The following ANKRD11 variants were observed in gnomAD, a reference collection of about 807,000 sequenced individuals.
ANKRD11 encodes the protein ankyrin repeat domain-containing protein 11.
In ANKRD11, 17 loss-of-function variants were observed where a neutral mutation model predicts 195.7. That is an observed-to-expected ratio of 0.09 (90% CI 0.06 to 0.13). The LOEUF (loss-of-function observed/expected upper bound fraction) is 0.13. ANKRD11 is among the 10% of genes least tolerant of loss of function. ANKRD11 has a pLI of 1.00. For missense variants in ANKRD11, 3,735 were observed against 3,566.1 expected, an observed-to-expected ratio of 1.05 and a Z score of -1.21; for synonymous variants, 1,953 against 1,528.1, an observed-to-expected ratio of 1.28 and a Z score of -6.49.
intron 2 of ANKRD11, among the ~76,000 whole-genome samples, chr16:89,329,479 GT>G (rs1256787196): frequency 6.6e-6 from 1 of 152,186 alleles, no homozygotes; most frequent in African/African-American, 2.4e-5. Flanking sequence ...AGGTGATGGT[GT>G]TTCCCCAACG....
intron 4 of ANKRD11, chr16:89,301,782 G>A (rs1777426339): frequency 5.0e-6 from 2 of 396,396 alleles, no homozygotes; most frequent in Admixed American, 4.4e-5. Flanking sequence ...CATTGTTCTT[G>A]GCAGGCGGCC....
At chr16:89,371,358 T>A (rs2040183861) in intron 2 of ANKRD11, among the ~76,000 whole-genome samples, 1 of 152,240 alleles carries the variant, frequency 6.6e-6, no homozygotes, top group Non-Finnish European at 1.5e-5. Flanking sequence ...GTGTCCATTC[T>A]ACCATTTGGT....
rs770145236 is a variant in ANKRD11 at position 89,286,027 on chromosome 16, G to C, written c.892+12C>G. ...CATAAAAGAACAGGCAGCTCAGGTG[G>C]CCGTGACTTACCCGTCGAGCTCTCC... On this transcript the variant is annotated intron_variant, in intron 8 of 12. Transcript: ENST00000301030. 1.2e-6 allele frequency: 2 copies of C among 1,614,150 alleles called. No individual in the cohort carries two copies.
chr16:89,307,236 G>C (rs963360549), intron 3 of ANKRD11, among the ~76,000 whole-genome samples: 2 of 152,192 alleles, frequency 1.3e-5, no homozygotes, highest in Non-Finnish European at 2.9e-5. Context: ...CTCCAGGGCT[G>C]AGATGCCCAA....
At chr16:89,328,976 G>A (rs1439632690) in intron 2 of ANKRD11, 1 of 145,434 alleles carries the variant, frequency 6.9e-6, no homozygotes, top group Admixed American at 6.9e-5. Context: ...GGAGGCCCCT[G>A]CTGAGTGAGT....
intron 2 of ANKRD11, among the ~76,000 whole-genome samples, chr16:89,356,721 C>T (rs1369236354): frequency 7.2e-6 from 1 of 138,964 alleles, no homozygotes; most frequent in Non-Finnish European, 1.5e-5. Context: ...GCCGAGCTTG[C>T]AGTGAGCCAA....
intron 2 of ANKRD11, among the ~76,000 whole-genome samples, chr16:89,386,576 T>C (rs1040086883): frequency 1.3e-5 from 2 of 152,178 alleles, no homozygotes; most frequent in Non-Finnish European, 2.9e-5. Context: ...TCCTGCAAGA[T>C]GCCCGCGGGG....
At chr16:89,364,011 C>A (rs1281112692) in intron 2 of ANKRD11, among the ~76,000 whole-genome samples, 1 of 151,716 alleles carries the variant, frequency 6.6e-6, no homozygotes, top group African/African-American at 2.4e-5. Flanking sequence ...GGTGAGCTAT[C>A]ATTGTGCCAT....
In ANKRD11 at chr16:89,451,411, CTTTT is replaced by C. The variant is rs66712285; in HGVS notation, c.-144-33047_-144-33044del. ...ATTATGGTGATGATTTCACAAATTA[CTTTT>C]TTTTTTTTTTTTTTGAGACGAAGCC... On this transcript the variant is annotated intron_variant, in intron 1 of 12. Coordinates refer to ENST00000301030, the MANE Select transcript of ANKRD11 (RefSeq NM_013275.6). Among the ~76,000 whole-genome samples, 146 of 130,170 alleles carry C rather than the reference CTTTT, an allele frequency of 1.1e-3. 1 individual carries two copies. The highest frequency in any genetic ancestry group is 4.0e-3 in the African/African-American group (138 of 34,686). 85.4% of individuals were successfully genotyped at this position (130,170 alleles called of 152,430 possible).
intron 2 of ANKRD11, chr16:89,343,558 C>G (rs1255888984): frequency 6.6e-6 from 1 of 152,166 alleles, no homozygotes; most frequent in Non-Finnish European, 1.5e-5. Context: ...AGGGTGCACG[C>G]GAAACACAGT....
chr16:89,372,103 C>T (rs2040218530), intron 2 of ANKRD11, among the ~76,000 whole-genome samples: 1 of 152,230 alleles, frequency 6.6e-6, no homozygotes, highest in African/African-American at 2.4e-5. Context: ...CCACGGCGGG[C>T]ACCCGGCCCT....
chr16:89,307,171 G>A (rs1056010433), intron 3 of ANKRD11, among the ~76,000 whole-genome samples: 6 of 152,136 alleles, frequency 3.9e-5, no homozygotes, highest in African/African-American at 7.2e-5. Flanking sequence ...GTAAGCTGCC[G>A]GCAAATACCG....
At chr16:89,436,669 T>C (rs1000774753) in intron 1 of ANKRD11, among the ~76,000 whole-genome samples, 1 of 152,182 alleles carries the variant, frequency 6.6e-6, no homozygotes, top group Non-Finnish European at 1.5e-5. Context: ...AAGCTGCTCC[T>C]TCAGATACAA....
intron 2 of ANKRD11, among the ~76,000 whole-genome samples, chr16:89,383,664 C>A (rs1333038982): frequency 1.3e-5 from 2 of 152,044 alleles, no homozygotes. Flanking sequence ...AGCCCCTACC[C>A]TCGGACCAGC....
intron 2 of ANKRD11, among the ~76,000 whole-genome samples, chr16:89,364,510 T>C (rs2039865427): frequency 6.6e-6 from 1 of 152,200 alleles, no homozygotes; most frequent in Non-Finnish European, 1.5e-5. Context: ...GTATTTTTCT[T>C]AACCTATTCG....
chr16:89,272,758 C>G (rs1682129011), intron 11 of ANKRD11: 4 of 152,256 alleles, frequency 2.6e-5, no homozygotes, highest in Admixed American at 2.6e-4. Flanking sequence ...AGGCTTGTGT[C>G]CATCAACAGA....
chr16:89,409,068 G>C (rs2042017148), intron 2 of ANKRD11, among the ~76,000 whole-genome samples: 1 of 152,212 alleles, frequency 6.6e-6, no homozygotes, highest in South Asian at 2.1e-4. Context: ...CTGCACAAAA[G>C]GCCAGAGCAG....
intron 2 of ANKRD11, among the ~76,000 whole-genome samples, chr16:89,408,535 A>C (rs2041997696): frequency 1.3e-5 from 2 of 152,226 alleles, no homozygotes; most frequent in South Asian, 4.1e-4. Flanking sequence ...TGCATCTGGC[A>C]GGAGTGTAAC....
chr16:89,317,535 G>A (rs1477610461), intron 2 of ANKRD11, among the ~76,000 whole-genome samples: 2 of 152,052 alleles, frequency 1.3e-5, no homozygotes, highest in South Asian at 4.1e-4. Context: ...CCAGCCTCAC[G>A]CCCCACTCAC....
Sources: gnomAD v4.1 joint callset for allele counts (sites outside exome capture counted in the v4.1 genomes callset) on GRCh38, gnomAD v4.1.1 for gene constraint, MANE v1.5 for transcripts, NCBI Gene and HGNC (gene_info 2026-07-23, HGNC 2026-07-21) for gene names.